Variants in GFPT1 observed in about 807,000 individuals in gnomAD.
The protein encoded by GFPT1 is glutamine--fructose-6-phosphate transaminase 1, also known as glutamine--fructose-6-phosphate aminotransferase [isomerizing] 1.
A neutral mutation model predicts 92.0 loss-of-function variants in GFPT1; 40 were observed. That is an observed-to-expected ratio of 0.43 (90% CI 0.34 to 0.57). The LOEUF is 0.57. Among genes scored for constraint, GFPT1 ranks in the 20% least tolerant of loss-of-function variants. The pLI is 0.02. For missense variants in GFPT1, 448 were observed against 869.1 expected (o/e 0.52, Z 6.09); for synonymous variants, 269 against 280.6 (o/e 0.96, Z 0.41).
In GFPT1 at chr2:69,326,938, G is replaced by A. The variant is rs2104595358; in HGVS notation, c.2031C>T (p.His677=). 4 of 1,614,196 alleles carry A rather than the reference G, an allele frequency of 2.5e-6. No individual in the cohort carries two copies. Among genetic ancestry groups the A allele is most frequent in the Non-Finnish European group, 3.4e-6 (4 of 1,180,012 alleles). The change falls in exon 19 of 20, where the codon CAC becomes CAT. Residue 677 remains histidine (H), a synonymous_variant. Transcript: ENST00000357308. ...CATCATAGCCTCTCAGCACAGCAAG[G>A]TGGAAAGCCAGCAACTGTAAAGGGA... The part of the protein sequence containing the change: ...SVIPLQLLAF[H]LAVLRGYDVD...
At chr2:69,333,056 T>C (rs535105891) in intron 15 of GFPT1, among the ~76,000 whole-genome samples, 6 of 152,290 alleles carry the variant, frequency 3.9e-5, no homozygotes, top group African/African-American at 1.2e-4. Flanking sequence ...TCTTTTCCCA[T>C]AACACTAAAG....
chr2:69,329,240 T>G (rs1670602666), intron 17 of GFPT1, 57 bp downstream of exon 17: 1 of 1,527,782 alleles, frequency 6.5e-7, no homozygotes, highest in Non-Finnish European at 9.1e-7. Flanking sequence ...AAAGTATGAC[T>G]ATGTGTCAGG....
chr2:69,356,408 T>A, intron 7 of GFPT1, 88 bp downstream of exon 7: 1 of 916,480 alleles, frequency 1.1e-6, no homozygotes, highest in East Asian at 2.4e-5. Context: ...AGAGCCTTTA[T>A]AATAAAGGGT....
rs576923359 is a variant in GFPT1, at chr2:69,344,755, C to G, written c.1105+1149G>C. Reference sequence around the variant, plus strand: ...ATCTACAGGGCTCAAGCAATCCTCCCACCTCAGGCTCTTCAGTAGCCAGGG... The same window carrying G: ...ATCTACAGGGCTCAAGCAATCCTCCGACCTCAGGCTCTTCAGTAGCCAGGG... On this transcript the variant is annotated intron_variant, in intron 12 of 19. Coordinates refer to ENST00000357308, the MANE Select transcript of GFPT1 (RefSeq NM_001244710.2). 2.0e-5 allele frequency among the ~76,000 whole-genome samples: 3 copies of G among 151,924 alleles called. No individual in the cohort carries two copies. The East Asian group carries it at 5.8e-4, about 29-fold the overall frequency.
chr2:69,331,514 A>C (rs1194443978), intron 15 of GFPT1, among the ~76,000 whole-genome samples: 1 of 152,098 alleles, frequency 6.6e-6, no homozygotes, highest in Non-Finnish European at 1.5e-5. Context: ...AATACCTTAA[A>C]TTACTATATA....
chr2:69,336,643 A>G (rs1049281633), intron 15 of GFPT1, among the ~76,000 whole-genome samples: 1 of 151,840 alleles, frequency 6.6e-6, no homozygotes, highest in African/African-American at 2.4e-5. Flanking sequence ...CTTAAAAAAA[A>G]AAAAAAAACT....
chr2:69,348,998 T>A (rs1328194786), intron 10 of GFPT1, among the ~76,000 whole-genome samples: 1 of 152,154 alleles, frequency 6.6e-6, no homozygotes, highest in East Asian at 1.9e-4. Context: ...AAAGAATGAA[T>A]GTTCCTCCCT....
chr2:69,329,627 T>G, intron 16 of GFPT1, 57 bp downstream of exon 16: 1 of 1,162,818 alleles, frequency 8.6e-7, no homozygotes, highest in Non-Finnish European at 1.3e-6. Context: ...TAAGAGAATT[T>G]TACCTATTAC....
intron 2 of GFPT1, among the ~76,000 whole-genome samples, chr2:69,371,135 G>A (rs1217460683): frequency 2.8e-5 from 4 of 143,576 alleles, no homozygotes; most frequent in Admixed American, 7.0e-5. Context: ...GGAGGGCAGT[G>A]GCGCAATCTC....
chr2:69,368,941 T>TTCA (rs1320973017), intron 3 of GFPT1, among the ~76,000 whole-genome samples: 1 of 152,208 alleles, frequency 6.6e-6, no homozygotes, highest in African/African-American at 2.4e-5. Flanking sequence ...AGGTCCTCCC[T>TTCA]TCACATCTTC....
intron 15 of GFPT1, among the ~76,000 whole-genome samples, chr2:69,332,313 C>CT (rs1257559725): frequency 0.019 from 2,579 of 134,318 alleles, 52 homozygotes; most frequent in African/African-American, 0.045. Context: ...CTTTTCTTTT[C>CT]TTTTTTTTTT....
intron 11 of GFPT1, among the ~76,000 whole-genome samples, chr2:69,346,832 C>T (rs367856121): frequency 1.3e-5 from 2 of 152,050 alleles, no homozygotes; most frequent in East Asian, 3.9e-4. Flanking sequence ...TGGGCTCAAG[C>T]AATTCTCACA....
intron 4 of GFPT1, among the ~76,000 whole-genome samples, chr2:69,360,252 C>T (rs1406187280): frequency 4.1e-5 from 6 of 147,406 alleles, no homozygotes; most frequent in Non-Finnish European, 7.4e-5. Flanking sequence ...TCGCTTGAAT[C>T]TGGGAGGCAG....
chr2:69,384,557 C>A (rs1672082622), intron 1 of GFPT1, among the ~76,000 whole-genome samples: 1 of 151,448 alleles, frequency 6.6e-6, no homozygotes. Context: ...ACCAAAAATG[C>A]AAAAATTAGC....
At chr2:69,381,917 A>C (rs939344102) in intron 1 of GFPT1, among the ~76,000 whole-genome samples, 6 of 149,694 alleles carry the variant, frequency 4.0e-5, no homozygotes, top group Admixed American at 1.3e-4. Context: ...AGGCTGGGGT[A>C]CAGTGGCGTG....
chr2:69,351,023 T>C (rs1489237049), intron 9 of GFPT1, among the ~76,000 whole-genome samples: 2 of 152,144 alleles, frequency 1.3e-5, no homozygotes, highest in Non-Finnish European at 2.9e-5. Context: ...CAAGTTGTAG[T>C]CTACACTAAT....
At chr2:69,362,439 G>C (rs551864434) in intron 4 of GFPT1, among the ~76,000 whole-genome samples, 1 of 151,778 alleles carries the variant, frequency 6.6e-6, no homozygotes, top group Non-Finnish European at 1.5e-5. Flanking sequence ...ATGTGACTTC[G>C]GAATTATGTA....
chr2:69,332,038 C>T (rs902621034), intron 15 of GFPT1, among the ~76,000 whole-genome samples: 2 of 152,048 alleles, frequency 1.3e-5, no homozygotes, highest in Admixed American at 6.6e-5. Context: ...AATTTTCTTA[C>T]TTCTTTTGTT....
Position 69,374,004 on chromosome 2 carries a change from AC to A in GFPT1, c.115+1del. On this transcript the variant is annotated splice_donor_variant, in intron 2 of 19. Coordinates refer to ENST00000357308, the MANE Select transcript of GFPT1 (RefSeq NM_001244710.2). LOFTEE classifies it high-confidence loss of function. ...AAATCCATAGTATTTTTTTTAAAGT[AC>A]CAGCAGAATCATATCCTCTGTACTC... 7.5e-7 allele frequency: 1 copy of A among 1,341,596 alleles called. No individual in the cohort carries two copies. The highest frequency in any genetic ancestry group is 1.1e-6 in the Non-Finnish European group (1 of 932,584). 83.1% of individuals were successfully genotyped at this position (1,341,596 alleles called of 1,614,324 possible).
Sources: allele counts gnomAD v4.1 joint callset (sites outside exome capture counted in the v4.1 genomes callset), GRCh38; gene constraint gnomAD v4.1.1; transcripts MANE v1.5; gene names NCBI Gene and HGNC (gene_info 2026-07-23, HGNC 2026-07-21).